Variants in PHACTR3 observed in about 807,000 individuals in gnomAD.
PHACTR3 encodes the protein protein phosphatase 1, regulatory subunit 123.
In PHACTR3, 16 loss-of-function variants were observed where a neutral mutation model predicts 66.8. The ratio of observed to expected loss-of-function variants is 0.24; its 90% CI spans 0.16 to 0.36. The LOEUF is 0.36. Ranked by LOEUF, PHACTR3 falls within the 10% of genes least tolerant of loss-of-function variation. The pLI, the probability that PHACTR3 is intolerant of heterozygous loss-of-function variation, is 1.00. For missense variants in PHACTR3, 647 were observed against 719.9 expected (o/e 0.90, Z 1.16); for synonymous variants, 323 against 292.1 (o/e 1.11, Z -1.08).
At chr20:59,682,035 A>G (rs2036675457) in intron 1 of PHACTR3, among the ~76,000 whole-genome samples, 1 of 151,248 alleles carries the variant, frequency 6.6e-6, no homozygotes, top group African/African-American at 2.4e-5. Flanking sequence ...AAAGAAAGAA[A>G]GAAAAAAATA....
chr20:59,809,285 C>T (rs1004040554), intron 8 of PHACTR3, among the ~76,000 whole-genome samples: 7 of 151,876 alleles, frequency 4.6e-5, no homozygotes, highest in Non-Finnish European at 8.8e-5. Flanking sequence ...GTGCTTGGGG[C>T]GCAGGTGCAG....
At chr20:59,591,833 A>G (rs1286776678) in intron 1 of PHACTR3, among the ~76,000 whole-genome samples, 2 of 152,108 alleles carry the variant, frequency 1.3e-5, no homozygotes, top group Non-Finnish European at 2.9e-5. Flanking sequence ...GTTTTTCTAT[A>G]AAGTGATAGA....
chr20:59,686,334 C>G (rs1601100358), intron 1 of PHACTR3, among the ~76,000 whole-genome samples: 1 of 152,210 alleles, frequency 6.6e-6, no homozygotes, highest in South Asian at 2.1e-4. Flanking sequence ...AAACCTCAGT[C>G]TCCTCATCTA....
rs561795501 is a variant in PHACTR3, at chr20:59,643,194, AGCCACTGCGCCG to A, written c.118+38066_118+38077del. On this transcript the variant is annotated intron_variant, in intron 1 of 12. Transcript: ENST00000371015. ...CCAAAGTGCTGGGATTACAGGCGTG[AGCCACTGCGCCG>A]GCCTAATTCTTCTTTTAAAAGTTGG... is the stretch of plus-strand genomic sequence containing the variant. 3.4e-4 allele frequency among the ~76,000 whole-genome samples: 52 copies of A among 152,344 alleles called. 1 individual carries two copies. In the South Asian group the frequency reaches 0.01, roughly 30 times the overall value.
chr20:59,667,166 G>T (rs1253374837), intron 1 of PHACTR3, among the ~76,000 whole-genome samples: 2 of 152,214 alleles, frequency 1.3e-5, no homozygotes, highest in African/African-American at 4.8e-5. Flanking sequence ...TCTCTCTTCT[G>T]TCTTGGGATG....
intron 3 of PHACTR3, among the ~76,000 whole-genome samples, chr20:59,750,479 C>T (rs1031550296): frequency 1.3e-5 from 2 of 152,104 alleles, no homozygotes; most frequent in African/African-American, 2.4e-5. Context: ...TTCCAGCCCA[C>T]AGGAGCAGCA....
intron 7 of PHACTR3, among the ~76,000 whole-genome samples, chr20:59,785,077 G>A (rs2040860342): frequency 6.6e-6 from 1 of 152,202 alleles, no homozygotes; most frequent in African/African-American, 2.4e-5. Context: ...GGCAGGAGGG[G>A]ATGGGGTCTG....
rs986389902 is a variant in PHACTR3 at position 59,839,835 on chromosome 20, A to G, written c.1385-534A>G. On this transcript the variant is annotated intron_variant, in intron 9 of 12. Transcript: ENST00000371015. ...GTGTTAAGATTTGAAATATAGTCTG[A>G]ACATATAAATTCCAGGCAAGCATAT... 2.6e-5 allele frequency among the ~76,000 whole-genome samples: 4 copies of G among 152,228 alleles called. No homozygotes were observed. The South Asian group carries it at 8.3e-4, about 31-fold the overall frequency.
At chr20:59,594,334 C>T (rs924854152) in intron 1 of PHACTR3, among the ~76,000 whole-genome samples, 4 of 125,396 alleles carry the variant, frequency 3.2e-5, no homozygotes, top group Non-Finnish European at 7.4e-5. Flanking sequence ...GCTTTTTGGT[C>T]GAGTTTTTTT....
intron 1 of PHACTR3, among the ~76,000 whole-genome samples, chr20:59,706,095 C>T (rs1304253899): frequency 6.6e-6 from 1 of 152,194 alleles, no homozygotes; most frequent in Non-Finnish European, 1.5e-5. Flanking sequence ...ACAAGTTTCT[C>T]ACATAATTAA....
intron 2 of PHACTR3, among the ~76,000 whole-genome samples, chr20:59,746,409 C>T (rs2039373732): frequency 6.6e-6 from 1 of 152,224 alleles, no homozygotes; most frequent in African/African-American, 2.4e-5. Context: ...GCAGAATCTC[C>T]TGTGCCTGAC....
intron 1 of PHACTR3, among the ~76,000 whole-genome samples, chr20:59,741,395 C>T (rs577173649): frequency 6.6e-6 from 1 of 150,808 alleles, no homozygotes; most frequent in South Asian, 2.1e-4. Context: ...CGATCTTCCT[C>T]CCCCAGCGAC....
intron 7 of PHACTR3, among the ~76,000 whole-genome samples, chr20:59,790,001 C>T (rs1032606561): frequency 6.6e-6 from 1 of 152,220 alleles, no homozygotes; most frequent in Non-Finnish European, 1.5e-5. Context: ...TAATTATGTC[C>T]TTAGGATAAA....
intron 3 of PHACTR3, 38 bp downstream of exon 3, chr20:59,747,873 G>A (rs372584762): frequency 9.4e-6 from 15 of 1,597,992 alleles, no homozygotes; most frequent in East Asian, 2.2e-5. Flanking sequence ...AGGGCACGGT[G>A]CTGGGAATGC....
rs1308603666 is a variant in PHACTR3 at position 59,774,358 on chromosome 20, G to A, written c.1042G>A (p.Ala348Thr). The A allele has an allele frequency of 1.2e-6, 2 of 1,614,166 alleles. No individual in the cohort carries two copies. The highest frequency in any genetic ancestry group is 2.2e-5 in the East Asian group (1 of 44,878). ...EREEAWSFDGALENKRTAAKE... is the reference protein window; with the variant it reads ...EREEAWSFDGTLENKRTAAKE... ...GGAGGAGGCTTGGAGCTTTGACGGG[G>A]CATTGGAGAACAAGCGAACTGCCGC... The change falls in exon 7 of 13, where the codon GCA becomes ACA. Residue 348 changes from alanine (A) to threonine (T), a missense_variant. Coordinates refer to ENST00000371015, the MANE Select transcript of PHACTR3 (RefSeq NM_080672.5).
intron 1 of PHACTR3, among the ~76,000 whole-genome samples, chr20:59,734,413 A>T (rs1378514403): frequency 3.3e-5 from 5 of 152,068 alleles, no homozygotes; most frequent in Non-Finnish European, 5.9e-5. Context: ...AACCACACCG[A>T]GCTAATTTTT....
At chr20:59,795,574 A>G (rs2041231229) in intron 7 of PHACTR3, among the ~76,000 whole-genome samples, 2 of 152,098 alleles carry the variant, frequency 1.3e-5, no homozygotes, top group African/African-American at 4.8e-5. Flanking sequence ...TTGCTGAAGT[A>G]AGGTGTTGAT....
chr20:59,645,474 G>A (rs945791766), intron 1 of PHACTR3, among the ~76,000 whole-genome samples: 7 of 152,056 alleles, frequency 4.6e-5, no homozygotes, highest in African/African-American at 1.4e-4. Context: ...TTCTCGTCAC[G>A]TGTGTGTCCG....
At chr20:59,602,127 C>G (rs1025346329), upstream of PHACTR3, among the ~76,000 whole-genome samples, 2 of 152,146 alleles carry the variant, frequency 1.3e-5, no homozygotes, top group African/African-American at 4.8e-5. Flanking sequence ...TGGCTGAACT[C>G]CTCTCTCACC....
Sources: allele counts gnomAD v4.1 joint callset (sites outside exome capture counted in the v4.1 genomes callset), GRCh38; gene constraint gnomAD v4.1.1; transcripts MANE v1.5; gene names NCBI Gene and HGNC (gene_info 2026-07-23, HGNC 2026-07-21).